The following MEIKIN variants were observed in gnomAD, a reference collection of about 807,000 sequenced individuals.
MEIKIN encodes the protein meiosis-specific kinetochore protein.
At chr5:131,816,979 T>C in intron 12 of MEIKIN, among the ~76,000 whole-genome samples, 1 of 152,198 alleles carries the variant, frequency 6.6e-6, no homozygotes, top group East Asian at 1.9e-4. Context: ...CAGAAGAGAC[T>C]GGCATTTGAA....
chr5:131,927,820 T>A (rs867865898), intron 5 of MEIKIN, among the ~76,000 whole-genome samples: 3 of 152,144 alleles, frequency 2.0e-5, no homozygotes, highest in African/African-American at 7.2e-5. Flanking sequence ...TCTTTTTCCA[T>A]CTCTCCATTT....
At chr5:131,891,544 G>A (rs997750884) in intron 8 of MEIKIN, among the ~76,000 whole-genome samples, 1 of 152,108 alleles carries the variant, frequency 6.6e-6, no homozygotes, top group African/African-American at 2.4e-5. Context: ...TGCAACCCCT[G>A]CCTTTTTTTG....
chr5:131,823,557 T>C (rs1430897571), intron 11 of MEIKIN, among the ~76,000 whole-genome samples: 1 of 152,112 alleles, frequency 6.6e-6, no homozygotes, highest in East Asian at 1.9e-4. Context: ...TGAATGCCTT[T>C]GTCTAATTTA....
chr5:131,860,807 G>A (rs1248474392), intron 9 of MEIKIN, among the ~76,000 whole-genome samples: 1 of 130,176 alleles, frequency 7.7e-6, no homozygotes, highest in East Asian at 2.3e-4. Context: ...TGTCACTCAG[G>A]CTGAAGTGCA....
intron 11 of MEIKIN, among the ~76,000 whole-genome samples, chr5:131,836,484 C>T (rs1749809494): frequency 6.6e-6 from 1 of 152,212 alleles, no homozygotes; most frequent in South Asian, 2.1e-4. Flanking sequence ...ATGCTTTCCA[C>T]AATGGTTGAA....
intron 8 of MEIKIN, among the ~76,000 whole-genome samples, chr5:131,885,597 G>A (rs1445463630): frequency 6.6e-6 from 1 of 152,152 alleles, no homozygotes; most frequent in East Asian, 1.9e-4. Flanking sequence ...TGAAGATACA[G>A]TTTAGATCAC....
At chr5:131,876,098 G>A (rs1416027848) in intron 9 of MEIKIN, among the ~76,000 whole-genome samples, 2 of 152,178 alleles carry the variant, frequency 1.3e-5, no homozygotes, top group East Asian at 3.8e-4. Flanking sequence ...AGGACTTCAT[G>A]TCTAAAACAC....
In MEIKIN at chr5:131,810,667, G is replaced by T. The variant is rs184054202; in HGVS notation, c.1100-3409C>A. On this transcript the variant is annotated intron_variant, in intron 12 of 12. Transcript: ENST00000442687. Reference sequence around the variant, plus strand: ...ACCAGGTCTGTAGTTATTCTGGTGAGGTAGTCAGAAGGACCATGCATTGAG... The same window carrying T: ...ACCAGGTCTGTAGTTATTCTGGTGATGTAGTCAGAAGGACCATGCATTGAG... Among the ~76,000 whole-genome samples the T allele has an allele frequency of 7.2e-5, 11 of 152,310 alleles. No individual in the cohort carries two copies. The East Asian group carries it at 2.1e-3, about 29-fold the overall frequency.
At chr5:131,894,514 A>T (rs1009432403) in intron 8 of MEIKIN, among the ~76,000 whole-genome samples, 17 of 152,070 alleles carry the variant, frequency 1.1e-4, no homozygotes, top group African/African-American at 4.1e-4. Flanking sequence ...CATGATATTG[A>T]TTCTTCCTAT....
intron 11 of MEIKIN, among the ~76,000 whole-genome samples, chr5:131,821,135 T>TA (rs1293668049): frequency 1.3e-5 from 2 of 152,202 alleles, no homozygotes; most frequent in Non-Finnish European, 2.9e-5. Flanking sequence ...TGTAGGCACT[T>TA]ACAGATCTAA....
intron 8 of MEIKIN, among the ~76,000 whole-genome samples, chr5:131,881,888 GTA>G (rs778158628): frequency 5.5e-4 from 83 of 152,184 alleles, no homozygotes; most frequent in Middle Eastern, 3.4e-3. Flanking sequence ...AAATTATATA[GTA>G]TATACATGTG....
chr5:131,891,318 G>A (rs537471405), intron 8 of MEIKIN, among the ~76,000 whole-genome samples: 1 of 152,276 alleles, frequency 6.6e-6, no homozygotes, highest in South Asian at 2.1e-4. Flanking sequence ...TCAGTGGGTT[G>A]TTAAAGTCTC....
intron 12 of MEIKIN, among the ~76,000 whole-genome samples, chr5:131,811,909 T>A (rs1425198699): frequency 1.3e-5 from 2 of 152,216 alleles, no homozygotes; most frequent in African/African-American, 4.8e-5. Context: ...AACTTCTTCT[T>A]AAAGTATAAC....
intron 9 of MEIKIN, among the ~76,000 whole-genome samples, chr5:131,874,017 C>A: frequency 6.6e-6 from 1 of 151,764 alleles, no homozygotes; most frequent in East Asian, 2.1e-4. Context: ...AAATTTATAG[C>A]ACTAAATGCC....
At chr5:131,862,517 G>A (rs1416904844) in intron 9 of MEIKIN, among the ~76,000 whole-genome samples, 1 of 151,812 alleles carries the variant, frequency 6.6e-6, no homozygotes, top group Non-Finnish European at 1.5e-5. Flanking sequence ...ATTCCTTAAA[G>A]TGCATCACTA....
At chr5:131,900,187 G>A (rs966527875) in intron 8 of MEIKIN, among the ~76,000 whole-genome samples, 1 of 152,184 alleles carries the variant, frequency 6.6e-6, no homozygotes, top group African/African-American at 2.4e-5. Flanking sequence ...GAGGGAAGAG[G>A]GAGGTAAGTT....
intron 8 of MEIKIN, among the ~76,000 whole-genome samples, chr5:131,882,950 C>T (rs1457411128): frequency 6.6e-6 from 1 of 152,204 alleles, no homozygotes. Context: ...CCTGATTGCT[C>T]TATCTAAAAT....
intron 6 of MEIKIN, among the ~76,000 whole-genome samples, chr5:131,918,486 T>C (rs1301355609): frequency 1.3e-5 from 2 of 152,206 alleles, no homozygotes; most frequent in East Asian, 1.9e-4. Flanking sequence ...TGTAGAAATA[T>C]GGCCATCCAG....
At chr5:131,845,818 T>A (rs898580143) in intron 11 of MEIKIN, among the ~76,000 whole-genome samples, 1 of 151,928 alleles carries the variant, frequency 6.6e-6, no homozygotes, top group Non-Finnish European at 1.5e-5. Flanking sequence ...CAAACCTACA[T>A]ATATATTGTG....
Sources: gnomAD v4.1 joint callset for allele counts (sites outside exome capture counted in the v4.1 genomes callset) on GRCh38, gnomAD v4.1.1 for gene constraint, MANE v1.5 for transcripts, NCBI Gene and HGNC (gene_info 2026-07-23, HGNC 2026-07-21) for gene names.